The following HOOK3 variants were observed in gnomAD, a reference collection of about 807,000 sequenced individuals.
HOOK3 encodes the protein hook microtubule tethering protein 3, also known as protein Hook homolog 3.
HOOK3 carries 24 observed loss-of-function variants against 116.3 expected under a neutral mutation model. That is an observed-to-expected ratio of 0.21 (90% CI 0.15 to 0.29). The LOEUF (loss-of-function observed/expected upper bound fraction) is 0.29. HOOK3 is among the 10% of genes least tolerant of loss of function. The probability of loss-of-function intolerance (pLI) is 1.00; values close to 1 mark genes in which losing one functional copy is unlikely to be tolerated. For missense variants in HOOK3, 632 were observed against 830.2 expected (o/e 0.76, Z 2.93); for synonymous variants, 275 against 283.0 (o/e 0.97, Z 0.28).
At chr8:43,011,540 C>T (rs1385578122) in intron 19 of HOOK3, among the ~76,000 whole-genome samples, 1 of 151,704 alleles carries the variant, frequency 6.6e-6, no homozygotes, top group Non-Finnish European at 1.5e-5. Flanking sequence ...TTTATTCTAC[C>T]CTTTCAAGTT....
chr8:42,937,930 G>A (rs1437296145), intron 4 of HOOK3, among the ~76,000 whole-genome samples: 2 of 152,132 alleles, frequency 1.3e-5, no homozygotes, highest in Non-Finnish European at 2.9e-5. Flanking sequence ...CTGAGTTCAA[G>A]TCCTGAATAT....
At chr8:42,907,816 C>CAAAAAA (rs71550426) in intron 2 of HOOK3, among the ~76,000 whole-genome samples, 22 of 46,164 alleles carry the variant, frequency 4.8e-4, no homozygotes, top group Admixed American at 9.2e-4. Context: ...AGCAACGAGG[C>CAAAAAA]AAAAAAAAAA....
chr8:42,980,673 T>C (rs895272881), intron 13 of HOOK3, among the ~76,000 whole-genome samples: 1 of 152,094 alleles, frequency 6.6e-6, no homozygotes, highest in African/African-American at 2.4e-5. Context: ...GTGGATCACC[T>C]GAGGTCAGGA....
At chr8:42,924,315 C>G (rs1807720385) in intron 2 of HOOK3, among the ~76,000 whole-genome samples, 1 of 140,828 alleles carries the variant, frequency 7.1e-6, no homozygotes, top group African/African-American at 2.6e-5. Context: ...TGTCCTCCCT[C>G]CCTCCCTCCC....
At chr8:42,929,958 A>G (rs1383153051) in intron 3 of HOOK3, among the ~76,000 whole-genome samples, 164 bp from the exon 4 acceptor site, 2 of 152,166 alleles carry the variant, frequency 1.3e-5, no homozygotes, top group African/African-American at 4.8e-5. Context: ...ATATAGTAGT[A>G]CTTTTTGATG....
chr8:42,971,097 C>T (rs954752660), intron 11 of HOOK3, among the ~76,000 whole-genome samples: 1 of 151,208 alleles, frequency 6.6e-6, no homozygotes, highest in African/African-American at 2.4e-5. Flanking sequence ...CAATTTCTCC[C>T]TTTCTATTCC....
chr8:42,976,664 G>A (rs1808835915), intron 13 of HOOK3, among the ~76,000 whole-genome samples: 1 of 152,126 alleles, frequency 6.6e-6, no homozygotes, highest in South Asian at 2.1e-4. Flanking sequence ...TTGGGAGGCC[G>A]AGGCAGGTGG....
chr8:42,943,441 GC>G lies in HOOK3; in HGVS notation c.397del (p.Gln133LysfsTer8). 1.4e-6 allele frequency: 2 copies of G among 1,445,460 alleles called. No homozygotes were observed. The highest frequency in any genetic ancestry group is 2.5e-5 in the Admixed American group (1 of 40,598). The allele number at this position is 1,445,460 out of a possible 1,614,324, so 89.5% of individuals were successfully genotyped here. A position where few individuals can be genotyped will look rare whatever the true frequency, so the allele number is the denominator to read the frequency against. ...GCTGTGCTGTGAACTGTGAACAGAA[GC>G]AAGGTAATTTGTTTCAAGTTAGTGT... ...LGCAVNCEQK[Q>X]EYIQAIMMME... On this transcript the variant is annotated frameshift_variant, in exon 5 of 22. Coordinates refer to ENST00000307602, the MANE Select transcript of HOOK3 (RefSeq NM_032410.4). LOFTEE classifies it high-confidence loss of function.
rs540707557 is a variant in HOOK3 at position 43,027,174 on chromosome 8, C to T, written c.*8676C>T. The T allele has an allele frequency of 9.8e-4, 214 of 219,072 alleles. 1 individual carries two copies. The highest frequency in any genetic ancestry group is 8.6e-3 in the Middle Eastern group (5 of 584). 13.6% of individuals were successfully genotyped at this position (219,072 alleles called of 1,614,324 possible). ...CCCAAAGTGCTGGGATTATTATAGG[C>T]GTGAGCCACCATGCCCAGTGAACTT... On this transcript the variant is annotated 3_prime_UTR_variant, in exon 22 of 22. Transcript: ENST00000307602.
chr8:42,977,919 C>T (rs1234283432), intron 13 of HOOK3, among the ~76,000 whole-genome samples: 1 of 151,984 alleles, frequency 6.6e-6, no homozygotes, highest in Non-Finnish European at 1.5e-5. Context: ...TTAAAGAAGG[C>T]CCAAAAAGAT....
chr8:42,903,994 G>A (rs1212292161), intron 1 of HOOK3, among the ~76,000 whole-genome samples: 1 of 151,928 alleles, frequency 6.6e-6, no homozygotes, highest in African/African-American at 2.4e-5. Context: ...TAAATGATAC[G>A]GTGCGGAGAA....
chr8:43,012,818 T>G (rs995218678), intron 19 of HOOK3, among the ~76,000 whole-genome samples: 1 of 152,024 alleles, frequency 6.6e-6, no homozygotes, highest in Non-Finnish European at 1.5e-5. Flanking sequence ...CCCAGGCTGG[T>G]CTCAAACTCC....
At chr8:42,930,024 T>C in intron 3 of HOOK3, 98 bp from the exon 4 acceptor site, 2 of 999,922 alleles carry the variant, frequency 2.0e-6, no homozygotes, top group Non-Finnish European at 2.9e-6. Context: ...TACTTTATGA[T>C]TAACTGCAGT....
At chr8:42,958,516 A>G (rs1180234338) in intron 7 of HOOK3, among the ~76,000 whole-genome samples, 4 of 151,798 alleles carry the variant, frequency 2.6e-5, no homozygotes, top group Non-Finnish European at 5.9e-5. Context: ...TTTTTGCTTC[A>G]GTAATATTTT....
At chr8:42,984,383 TAAG>T (rs1327627660) in intron 14 of HOOK3, among the ~76,000 whole-genome samples, 1 of 149,148 alleles carries the variant, frequency 6.7e-6, no homozygotes, top group African/African-American at 2.5e-5. Flanking sequence ...AAAAAAAAAA[TAAG>T]AAGTACAAAC....
intron 15 of HOOK3, among the ~76,000 whole-genome samples, chr8:42,995,034 G>T (rs1809239353): frequency 6.6e-6 from 1 of 152,148 alleles, no homozygotes. Context: ...TGTGTTTATG[G>T]ACCTGTGTCC....
At chr8:42,992,489 G>A (rs1455225310) in intron 15 of HOOK3, among the ~76,000 whole-genome samples, 5 of 149,342 alleles carry the variant, frequency 3.3e-5, no homozygotes, top group East Asian at 2.0e-4. Context: ...AGGCTGAGGC[G>A]GGCGGATCAC....
At chr8:42,955,342 G>A (rs887524059) in intron 6 of HOOK3, among the ~76,000 whole-genome samples, 1 of 152,188 alleles carries the variant, frequency 6.6e-6, no homozygotes, top group Non-Finnish European at 1.5e-5. Context: ...ATATGCCTGA[G>A]TCCTACAACT....
chr8:42,970,878 C>G (rs1364078006), intron 11 of HOOK3, among the ~76,000 whole-genome samples: 1 of 150,874 alleles, frequency 6.6e-6, no homozygotes, highest in Non-Finnish European at 1.5e-5. Flanking sequence ...GCCTCGACCC[C>G]CCAGGCTCAG....
Sources: gnomAD v4.1 joint callset for allele counts (sites outside exome capture counted in the v4.1 genomes callset) on GRCh38, gnomAD v4.1.1 for gene constraint, MANE v1.5 for transcripts, NCBI Gene and HGNC (gene_info 2026-07-23, HGNC 2026-07-21) for gene names.